The following SLC16A3 variants were observed in gnomAD, a reference collection of about 807,000 sequenced individuals.
SLC16A3 encodes monocarboxylate transporter 4.
A neutral mutation model predicts 25.0 loss-of-function variants in SLC16A3; 22 were observed. The ratio of observed to expected loss-of-function variants is 0.88; its 90% confidence interval spans 0.63 to 1.26. The LOEUF is 1.26. Ranked by LOEUF, SLC16A3 falls within the 50% of genes most tolerant of loss-of-function variation. The probability of loss-of-function intolerance (pLI) is 0.00; values close to 1 mark genes in which losing one functional copy is unlikely to be tolerated. For synonymous variants in SLC16A3, 390 were observed against 309.2 expected, an observed-to-expected ratio of 1.26 and a Z score of -2.74; for missense variants, 731 against 666.6, an observed-to-expected ratio of 1.10 and a Z score of -1.06.
chr17:82,227,013 T>C (rs575933187), upstream of SLC16A3, among the ~76,000 whole-genome samples: 1 of 152,224 alleles, frequency 6.6e-6, no homozygotes, highest in Non-Finnish European at 1.5e-5. Context: ...TGGGAGCCAG[T>C]GCTGACTGGC....
Position 82,239,996 on chromosome 17 carries a change from G to A in SLC16A3, c.*1020G>A, listed in dbSNP as rs1052955770. 1.1e-4 allele frequency: 137 copies of A among 1,233,578 alleles called. No homozygotes were observed. The highest frequency in any genetic ancestry group is 1.7e-4 in the Admixed American group (4 of 23,708). 76.4% of individuals were successfully genotyped at this position (1,233,578 alleles called of 1,614,324 possible). A position where few individuals can be genotyped will look rare whatever the true frequency, so the allele number is the denominator to read the frequency against. On this transcript the variant is annotated 3_prime_UTR_variant, in exon 5 of 5. Coordinates refer to ENST00000582743, the MANE Select transcript of SLC16A3 (RefSeq NM_004207.4). Reference sequence around the variant, plus strand: ...GGCCCTCAGTAGGTGCGTCGTGGGCGCTGGGGACGGCAGCGGGTGCCCTGG... The same window carrying A: ...GGCCCTCAGTAGGTGCGTCGTGGGCACTGGGGACGGCAGCGGGTGCCCTGG...
upstream of SLC16A3, among the ~76,000 whole-genome samples, chr17:82,226,947 C>T (rs1292454084): frequency 3.3e-5 from 5 of 151,924 alleles, no homozygotes; most frequent in African/African-American, 1.2e-4. Flanking sequence ...ATCACTGTGA[C>T]CACTCTGTGG....
At chr17:82,228,739 A>T (rs1599551223), upstream of SLC16A3, among the ~76,000 whole-genome samples, 1 of 151,594 alleles carries the variant, frequency 6.6e-6, no homozygotes, top group Non-Finnish European at 1.5e-5. Flanking sequence ...GGCGGGGCGG[A>T]GGGGCGAAGC....
Position 82,239,023 on chromosome 17 carries a change from G to A in SLC16A3, c.*47G>A, listed in dbSNP as rs371026192. 2.0e-5 allele frequency: 30 copies of A among 1,475,340 alleles called. No homozygotes were observed. The African/African-American group carries it at 3.0e-4, about 15-fold the overall frequency. The allele number at this position is 1,475,340 out of a possible 1,614,324, so 91.4% of individuals were successfully genotyped here. On this transcript the variant is annotated 3_prime_UTR_variant, in exon 5 of 5. Coordinates refer to ENST00000582743, the MANE Select transcript of SLC16A3 (RefSeq NM_004207.4). ...GCACAGGGAGGAGGTACAGAAGCCG[G>A]CAACGCTTGCTATTTATTTTACAAA...
rs529804602 is a variant in SLC16A3 at position 82,238,243 on chromosome 17, C to T, written c.1123+350C>T. On this transcript the variant is annotated intron_variant, in intron 4 of 4. Coordinates refer to ENST00000582743, the MANE Select transcript of SLC16A3 (RefSeq NM_004207.4). ...CTCTCCTTTTTGAAGGATGACTGAG[C>T]TAACACGTGAGGGAAATTAAGTTCT... Among the ~76,000 whole-genome samples, 35 of 152,334 alleles carry T rather than the reference C, an allele frequency of 2.3e-4. 1 individual carries two copies. In the South Asian group the frequency reaches 6.4e-3, roughly 28 times the overall value.
In SLC16A3 at chr17:82,237,376, C is replaced by A; in HGVS notation, c.606C>A (p.Val202=). 1 of 1,542,084 alleles carries A rather than the reference C, an allele frequency of 6.5e-7. No homozygotes were observed. Among genetic ancestry groups the A allele is most frequent in the Non-Finnish European group, 8.8e-7 (1 of 1,141,942 alleles). The part of the protein sequence containing the change: ...VCAALMRPLV[V]TAQPGSGPPR... Reference sequence around the variant, plus strand: ...CCGCACTCATGAGGCCCCTGGTGGTCACGGCCCAGCCGGGCTCGGGGCCGC... The same window carrying A: ...CCGCACTCATGAGGCCCCTGGTGGTAACGGCCCAGCCGGGCTCGGGGCCGC... Residue 202 remains valine (V), a synonymous_variant, in exon 4 of 5, where the codon GTC becomes GTA. Transcript: ENST00000582743.
intron 1 of SLC16A3, chr17:82,230,656 C>G (rs1196804262): frequency 6.6e-6 from 1 of 152,598 alleles, no homozygotes; most frequent in Non-Finnish European, 1.5e-5. Context: ...GACAGAAGGG[C>G]CTGTGCCGCT....
intron 1 of SLC16A3, among the ~76,000 whole-genome samples, chr17:82,220,971 G>A (rs2050385993): frequency 6.6e-6 from 1 of 151,950 alleles, no homozygotes; most frequent in Non-Finnish European, 1.5e-5. Context: ...TTACAAGCAT[G>A]CACCACCACA....
At chr17:82,231,937 G>A (rs60910743) in intron 1 of SLC16A3, 33,713 of 152,350 alleles carry the variant, frequency 0.22, 3,884 homozygotes, top group Admixed American at 0.29. Flanking sequence ...TGCAAGCTCG[G>A]CCCCGACACC....
rs1270922732 is a variant in SLC16A3, at chr17:82,236,095, C to T, written c.87C>T (p.Phe29=). ...GWGWAVLFGC[F]VITGFSYAFP... Reference sequence around the variant, plus strand: ...GCTGGGCCGTGCTCTTCGGCTGTTTCGTCATCACTGGCTTCTCCTACGCCT... The same window carrying T: ...GCTGGGCCGTGCTCTTCGGCTGTTTTGTCATCACTGGCTTCTCCTACGCCT... Residue 29 remains phenylalanine, a synonymous_variant, in exon 2 of 5, where the codon TTC becomes TTT. Transcript: ENST00000582743. The T allele has an allele frequency of 1.2e-5, 19 of 1,613,096 alleles. No individual in the cohort carries two copies. Among genetic ancestry groups the T allele is most frequent in the Middle Eastern group, 1.6e-4 (1 of 6,062 alleles).
At chr17:82,219,538 G>A (rs2147105216) in intron 1 of SLC16A3, among the ~76,000 whole-genome samples, 1 of 151,102 alleles carries the variant, frequency 6.6e-6, no homozygotes, top group Admixed American at 6.6e-5. Context: ...CTGTGTCTCT[G>A]GAGGCCCCAG....
At chr17:82,227,263 G>A (rs2050428862), upstream of SLC16A3, among the ~76,000 whole-genome samples, 1 of 152,088 alleles carries the variant, frequency 6.6e-6, no homozygotes, top group African/African-American at 2.4e-5. Context: ...AGGGGGCAGT[G>A]AGGTCCCAGG....
intron 2 of SLC16A3, 131 bp downstream of exon 2, chr17:82,236,362 GC>G: frequency 1.2e-6 from 1 of 863,724 alleles, no homozygotes; most frequent in Non-Finnish European, 1.8e-6. Flanking sequence ...AGCCCTTGGG[GC>G]CAGGATCCTG....
intron 4 of SLC16A3, 89 bp from the exon 5 acceptor site, chr17:82,238,613 C>A: frequency 7.4e-7 from 1 of 1,353,842 alleles, no homozygotes; most frequent in Non-Finnish European, 9.9e-7. Context: ...CCCTTGCGTG[C>A]TGAGACACCG....
intron 1 of SLC16A3, 102 bp from the exon 2 acceptor site, chr17:82,235,881 C>T: frequency 6.7e-6 from 5 of 746,428 alleles, no homozygotes; most frequent in Admixed American, 2.3e-5. Context: ...GCAGCTGCCC[C>T]TCAGCTGAGC....
At chr17:82,223,920 C>T (rs1341474916), upstream of SLC16A3, among the ~76,000 whole-genome samples, 1 of 151,958 alleles carries the variant, frequency 6.6e-6, no homozygotes, top group Non-Finnish European at 1.5e-5. Flanking sequence ...CTGGCCAGCA[C>T]ACGACAGCTG....
upstream of SLC16A3, among the ~76,000 whole-genome samples, chr17:82,223,926 A>C (rs1008651075): frequency 1.3e-5 from 2 of 151,876 alleles, no homozygotes; most frequent in Non-Finnish European, 1.5e-5. Flanking sequence ...AGCACACGAC[A>C]GCTGCTCTCA....
chr17:82,237,547 C>T lies in SLC16A3; in HGVS notation c.777C>T (p.Pro259=), dbSNP rs143142604. The T allele has an allele frequency of 7.8e-5, 126 of 1,611,238 alleles. No homozygotes were observed. The African/African-American group carries it at 1.3e-3, about 16-fold the overall frequency. Residue 259 remains proline, a synonymous_variant, in exon 4 of 5, where the codon CCC becomes CCT. Coordinates refer to ENST00000582743, the MANE Select transcript of SLC16A3 (RefSeq NM_004207.4). ...GCTACGCCAAGGACCTGGGCGTGCCCGACACCAAGGCCGCCTTCCTGCTCA... is the reference window on the plus strand; with the variant it reads ...GCTACGCCAAGGACCTGGGCGTGCCTGACACCAAGGCCGCCTTCCTGCTCA... ...VVSYAKDLGV[P]DTKAAFLLTI...
At chr17:82,225,326 A>C (rs2050415183), upstream of SLC16A3, among the ~76,000 whole-genome samples, 1 of 152,022 alleles carries the variant, frequency 6.6e-6, no homozygotes, top group South Asian at 2.1e-4. Flanking sequence ...GAGTGAAGGG[A>C]GGGCGCAGAT....
Sources: allele counts gnomAD v4.1 joint callset (sites outside exome capture counted in the v4.1 genomes callset), GRCh38; gene constraint gnomAD v4.1.1; transcripts MANE v1.5; gene names NCBI Gene and HGNC (gene_info 2026-07-23, HGNC 2026-07-21).